PITPNC1: variants seen among roughly 807,000 people sequenced by gnomAD.
PITPNC1 encodes the protein cytoplasmic phosphatidylinositol transfer protein 1.
Under a neutral mutation model 44.7 loss-of-function variants are expected in PITPNC1, and 18 were observed. The observed-to-expected ratio is 0.40, with a 90% CI of 0.28 to 0.60. The LOEUF is 0.60. Among genes scored for constraint, PITPNC1 ranks in the 20% least tolerant of loss-of-function variants. The probability of loss-of-function intolerance (pLI) is 0.39; values close to 1 mark genes in which losing one functional copy is unlikely to be tolerated. For missense variants in PITPNC1, 290 were observed against 418.4 expected (o/e 0.69, Z 2.68); for synonymous variants, 141 against 149.6 (o/e 0.94, Z 0.42).
At chr17:67,630,427 G>A (rs1038904738) in intron 5 of PITPNC1, among the ~76,000 whole-genome samples, 3 of 152,124 alleles carry the variant, frequency 2.0e-5, no homozygotes, top group Non-Finnish European at 4.4e-5. Flanking sequence ...AGACCAGCCT[G>A]GCCACCATGG....
In PITPNC1 at chr17:67,582,584, TAA is replaced by T. The variant is rs11343907; in HGVS notation, c.366+4340_366+4341del. Among the ~76,000 whole-genome samples, 1,368 of 145,488 alleles carry T rather than the reference TAA, an allele frequency of 9.4e-3. 17 individuals carry two copies. The highest frequency in any genetic ancestry group is 0.026 in the African/African-American group (1,053 of 39,882). ...TTTTTTGACGTGACCCAATATCTAG[TAA>T]AAAAAAAAAAAATAGTGGCAGTATG... On this transcript the variant is annotated intron_variant, in intron 5 of 8. Coordinates refer to ENST00000581322, the MANE Select transcript of PITPNC1 (RefSeq NM_012417.4).
intron 2 of PITPNC1, among the ~76,000 whole-genome samples, chr17:67,550,099 G>A (rs745619027): frequency 1.3e-5 from 2 of 152,176 alleles, no homozygotes; most frequent in Non-Finnish European, 2.9e-5. Context: ...CATCATCAGC[G>A]AAAGCTATAA....
At chr17:67,476,249 G>A (rs939723440) in intron 1 of PITPNC1, among the ~76,000 whole-genome samples, 6 of 148,948 alleles carry the variant, frequency 4.0e-5, no homozygotes, top group African/African-American at 1.5e-4. Flanking sequence ...GCAGTGGCAC[G>A]ATCTTGGGTC....
intron 6 of PITPNC1, among the ~76,000 whole-genome samples, chr17:67,641,672 C>CT (rs1433160814): frequency 3.9e-5 from 6 of 151,942 alleles, no homozygotes; most frequent in Admixed American, 3.3e-4. Flanking sequence ...TGGCACATGC[C>CT]TGGAGTACCA....
chr17:67,678,001 C>G (rs1050510570), intron 8 of PITPNC1, among the ~76,000 whole-genome samples: 1 of 151,904 alleles, frequency 6.6e-6, no homozygotes, highest in Non-Finnish European at 1.5e-5. Context: ...TCACTTGAGC[C>G]CAGGAATTCG....
chr17:67,615,070 A>G (rs2041740547), intron 5 of PITPNC1, among the ~76,000 whole-genome samples: 1 of 152,020 alleles, frequency 6.6e-6, no homozygotes, highest in African/African-American at 2.4e-5. Context: ...AGCCTGTCTT[A>G]CCCGTGCCTG....
intron 5 of PITPNC1, among the ~76,000 whole-genome samples, chr17:67,589,355 G>A (rs1012501864): frequency 6.6e-6 from 1 of 152,214 alleles, no homozygotes; most frequent in Admixed American, 6.5e-5. Flanking sequence ...GTAGAAGACA[G>A]CTTAAAGTAG....
intron 1 of PITPNC1, among the ~76,000 whole-genome samples, chr17:67,477,573 A>C (rs2949921): frequency 6.6e-6 from 1 of 150,924 alleles, no homozygotes; most frequent in Non-Finnish European, 1.5e-5. Context: ...TTATTTATTT[A>C]TTTTTTGGTA....
intron 5 of PITPNC1, among the ~76,000 whole-genome samples, chr17:67,629,559 G>T (rs1451207149): frequency 5.3e-5 from 8 of 152,202 alleles, no homozygotes; most frequent in Admixed American, 3.3e-4. Flanking sequence ...TTACAGGTGT[G>T]AGCCACTGTG....
intron 1 of PITPNC1, among the ~76,000 whole-genome samples, chr17:67,424,300 C>T (rs1178751370): frequency 6.6e-6 from 1 of 152,062 alleles, no homozygotes; most frequent in Non-Finnish European, 1.5e-5. Context: ...GTGATGTAGG[C>T]ACTATGTCAC....
chr17:67,515,273 C>T (rs1194384425), intron 1 of PITPNC1, among the ~76,000 whole-genome samples: 1 of 152,140 alleles, frequency 6.6e-6, no homozygotes, highest in African/African-American at 2.4e-5. Context: ...AAACGTCTTC[C>T]TCTGGGAATG....
intron 1 of PITPNC1, among the ~76,000 whole-genome samples, chr17:67,456,765 C>T (rs900552556): frequency 6.6e-6 from 1 of 151,962 alleles, no homozygotes; most frequent in Non-Finnish European, 1.5e-5. Context: ...GGTCTTTACT[C>T]GTCTTTCTAA....
chr17:67,639,212 G>A (rs888729445), intron 6 of PITPNC1, among the ~76,000 whole-genome samples: 26 of 152,140 alleles, frequency 1.7e-4, no homozygotes, highest in Non-Finnish European at 2.4e-4. Context: ...AATAAACCCT[G>A]ACATGGACCA....
chr17:67,687,968 T>C (rs576949578), intron 8 of PITPNC1, among the ~76,000 whole-genome samples: 18 of 151,294 alleles, frequency 1.2e-4, no homozygotes, highest in African/African-American at 4.1e-4. Context: ...AGAGCTGTGA[T>C]CTCTTTGGGT....
chr17:67,433,097 A>G (rs985855561), intron 1 of PITPNC1, among the ~76,000 whole-genome samples: 1 of 152,156 alleles, frequency 6.6e-6, no homozygotes, highest in African/African-American at 2.4e-5. Context: ...AGAGACCTGG[A>G]TGAATCGTGG....
intron 5 of PITPNC1, among the ~76,000 whole-genome samples, chr17:67,578,973 C>T (rs920972861): frequency 6.6e-6 from 1 of 152,166 alleles, no homozygotes; most frequent in African/African-American, 2.4e-5. Context: ...CAGAGCGAGA[C>T]TCCATCTCAA....
chr17:67,407,118 C>T (rs745981594), intron 1 of PITPNC1, among the ~76,000 whole-genome samples: 1 of 152,176 alleles, frequency 6.6e-6, no homozygotes. Flanking sequence ...CACCGTTTTA[C>T]ATTCCCACCT....
chr17:67,604,158 T>C (rs1219689083), intron 5 of PITPNC1, among the ~76,000 whole-genome samples: 2 of 152,196 alleles, frequency 1.3e-5, no homozygotes, highest in African/African-American at 4.8e-5. Context: ...TTCAAAAACT[T>C]TTATTACTAG....
At chr17:67,544,352 C>A (rs905585007) in intron 2 of PITPNC1, among the ~76,000 whole-genome samples, 2 of 150,610 alleles carry the variant, frequency 1.3e-5, no homozygotes, top group Non-Finnish European at 3.0e-5. Flanking sequence ...CTTTTCACTT[C>A]GTCGCTAGCA....
Sources: gnomAD v4.1 joint callset for allele counts (sites outside exome capture counted in the v4.1 genomes callset) on GRCh38, gnomAD v4.1.1 for gene constraint, MANE v1.5 for transcripts, NCBI Gene and HGNC (gene_info 2026-07-23, HGNC 2026-07-21) for gene names.